Variants in LDLRAD4 observed in about 807,000 individuals in gnomAD.
LDLRAD4 encodes the protein low-density lipoprotein receptor class A domain-containing protein 4.
LDLRAD4 carries 5 observed loss-of-function variants against 17.0 expected under a neutral mutation model. That is an observed-to-expected ratio of 0.29 (90% CI 0.15 to 0.62). The LOEUF is 0.62. Ranked by LOEUF, LDLRAD4 falls within the 20% of genes least tolerant of loss-of-function variation. The pLI is 0.84. For missense variants in LDLRAD4, 340 were observed against 424.7 expected (o/e 0.80, Z 1.75); for synonymous variants, 168 against 171.8 (o/e 0.98, Z 0.17).
chr18:13,274,928 C>T (rs2044769466), upstream of LDLRAD4, among the ~76,000 whole-genome samples: 1 of 151,900 alleles, frequency 6.6e-6, no homozygotes, highest in Non-Finnish European at 1.5e-5. Context: ...ACTGGGGAGG[C>T]TGAGGCAGGA....
intron 1 of LDLRAD4, among the ~76,000 whole-genome samples, chr18:13,243,913 AC>A (rs199916049): frequency 0.019 from 2,183 of 115,210 alleles, 89 homozygotes; most frequent in African/African-American, 0.075. Context: ...CCATCCATGC[AC>A]CTATGCACCC....
chr18:13,546,099 C>T (rs2094358096), intron 3 of LDLRAD4, among the ~76,000 whole-genome samples: 1 of 152,086 alleles, frequency 6.6e-6, no homozygotes, highest in Non-Finnish European at 1.5e-5. Flanking sequence ...TGGTTTAGCC[C>T]CTGCTTGGTG....
intron 2 of LDLRAD4, among the ~76,000 whole-genome samples, chr18:13,428,217 C>T (rs9947722): frequency 0.09 from 13,609 of 151,980 alleles, 1,268 homozygotes; most frequent in East Asian, 0.24. Flanking sequence ...GTAGGAGGAG[C>T]CGGGAGTCTG....
chr18:13,635,348 C>T (rs1297261373), intron 4 of LDLRAD4, among the ~76,000 whole-genome samples: 2 of 152,140 alleles, frequency 1.3e-5, no homozygotes, highest in African/African-American at 4.8e-5. Context: ...ATGAGGACTC[C>T]ACCCTCATTA....
At chr18:13,399,039 G>A (rs2086934439) in intron 2 of LDLRAD4, among the ~76,000 whole-genome samples, 1 of 152,094 alleles carries the variant, frequency 6.6e-6, no homozygotes, top group Admixed American at 6.5e-5. Context: ...AGGAGTTCCT[G>A]TCCAGTCTGG....
chr18:13,584,300 T>C (rs1427858677), intron 3 of LDLRAD4, among the ~76,000 whole-genome samples: 1 of 152,228 alleles, frequency 6.6e-6, no homozygotes, highest in Non-Finnish European at 1.5e-5. Context: ...AATTATTACT[T>C]ATCCCTTAAG....
At chr18:13,246,632 T>G (rs1269339431) in intron 1 of LDLRAD4, among the ~76,000 whole-genome samples, 1 of 151,832 alleles carries the variant, frequency 6.6e-6, no homozygotes, top group Non-Finnish European at 1.5e-5. Flanking sequence ...TGGGCAGGAG[T>G]CTGTAAGGAA....
chr18:13,608,077 AAAC>A (rs748845377), intron 3 of LDLRAD4, among the ~76,000 whole-genome samples: 23 of 152,178 alleles, frequency 1.5e-4, no homozygotes, highest in Non-Finnish European at 3.1e-4. Flanking sequence ...GTAAAAGAAA[AAAC>A]AACCCCATCA....
intron 3 of LDLRAD4, among the ~76,000 whole-genome samples, chr18:13,599,350 T>C (rs745707395): frequency 8.5e-5 from 13 of 152,324 alleles, no homozygotes; most frequent in Non-Finnish European, 1.6e-4. Flanking sequence ...AGATATTTAT[T>C]AATCTGCTGA....
In LDLRAD4 at chr18:13,351,581, C is replaced by A. The variant is rs1197216646; in HGVS notation, c.-382-35760C>A. On this transcript the variant is annotated intron_variant, in intron 1 of 5. Coordinates refer to ENST00000359446, the Ensembl canonical transcript of LDLRAD4. Reference sequence around the variant, plus strand: ...GAATCATGTTGTCTTCGGTTGAATCCCTGAATAGACCAATAACAAGTTCTG... The same window carrying A: ...GAATCATGTTGTCTTCGGTTGAATCACTGAATAGACCAATAACAAGTTCTG... Among the ~76,000 whole-genome samples, 7 of 152,040 alleles carry A rather than the reference C, an allele frequency of 4.6e-5. No individual in the cohort carries two copies. In the South Asian group the frequency reaches 1.5e-3, roughly 32 times the overall value.
At position 13,300,538 on chromosome 18, in the gene LDLRAD4, C is replaced by T. The variant is rs1028110949; in HGVS notation, c.-383+22350C>T. ...CTCACTCTTCCTCCTGGGCCTGTCC[C>T]GGTAGAGATACCCGGAACCCTCTCC... On this transcript the variant is annotated intron_variant, in intron 1 of 5. Transcript: ENST00000359446. This position sits in a 1 kb window ranked among gnomAD's most constrained non-coding sequence, Gnocchi z 4.2. 3.9e-5 allele frequency among the ~76,000 whole-genome samples: 6 copies of T among 152,056 alleles called. No homozygotes were observed. The highest frequency in any genetic ancestry group is 9.7e-5 in the African/African-American group (4 of 41,446).
At chr18:13,617,764 A>C (rs2040219876) in intron 3 of LDLRAD4, among the ~76,000 whole-genome samples, 1 of 151,154 alleles carries the variant, frequency 6.6e-6, no homozygotes, top group Non-Finnish European at 1.5e-5. Flanking sequence ...AATTACCAGT[A>C]ATTGGAGAAA....
At chr18:13,321,964 G>A (rs1250992836) in intron 1 of LDLRAD4, among the ~76,000 whole-genome samples, 3 of 141,766 alleles carry the variant, frequency 2.1e-5, no homozygotes, top group Non-Finnish European at 3.0e-5. Flanking sequence ...TGTGCAGAAA[G>A]CAATTGAAAG....
At chr18:13,517,169 T>C (rs1203816989) in intron 3 of LDLRAD4, among the ~76,000 whole-genome samples, 1 of 152,216 alleles carries the variant, frequency 6.6e-6, no homozygotes, top group East Asian at 1.9e-4. Context: ...CTTTTAAAAA[T>C]GGCTTATTAA....
chr18:13,431,980 G>A (rs1041261488), intron 2 of LDLRAD4, among the ~76,000 whole-genome samples: 11 of 152,176 alleles, frequency 7.2e-5, no homozygotes, highest in African/African-American at 2.4e-4. Context: ...CCTTTACGCC[G>A]AGGTTGGCTG....
intron 1 of LDLRAD4, among the ~76,000 whole-genome samples, chr18:13,251,009 A>T (rs2043198754): frequency 6.6e-6 from 1 of 152,250 alleles, no homozygotes; most frequent in African/African-American, 2.4e-5. Context: ...CCAGCAACAC[A>T]TCAAAAAGCT....
chr18:13,462,291 G>T (rs143500559), intron 3 of LDLRAD4: 4 of 152,358 alleles, frequency 2.6e-5, no homozygotes, highest in Non-Finnish European at 5.9e-5. Context: ...GACTAGGGCC[G>T]TGGGAGTAAG....
Position 13,621,261 on chromosome 18 carries a change from G to T in LDLRAD4, c.326G>T (p.Gly109Val). 4 of 1,612,254 alleles carry T rather than the reference G, an allele frequency of 2.5e-6. No homozygotes were observed. The highest frequency in any genetic ancestry group is 3.4e-6 in the Non-Finnish European group (4 of 1,179,778). The stretch of plus-strand genomic sequence containing the variant: ...AACCAGAGCCGGAGGCGGGAGGACG[G>T]GCTGCCGCAGGTGAGTACCCTGGCC... The change falls in exon 4 of 6, where the codon GGG becomes GTG. Residue 109 changes from glycine (G) to valine (V), a missense_variant. Gly to Val is a moderately radical substitution (Grantham distance 109). Transcript: ENST00000359446. The surrounding 1 kb of genome is among the most constrained non-coding windows in gnomAD (Gnocchi z 5.5).
At chr18:13,220,019 T>C (rs1195721468) in intron 1 of LDLRAD4, among the ~76,000 whole-genome samples, 1 of 152,244 alleles carries the variant, frequency 6.6e-6, no homozygotes, top group Non-Finnish European at 1.5e-5. Context: ...AGTCATTACA[T>C]AGACAAATGA....
Sources: gnomAD v4.1 joint callset for allele counts (sites outside exome capture counted in the v4.1 genomes callset) on GRCh38, gnomAD v4.1.1 for gene constraint, Gnocchi (gnomAD v3.1) non-coding constraint, MANE v1.5 for transcripts, NCBI Gene and HGNC (gene_info 2026-07-23, HGNC 2026-07-21) for gene names.